RALYL: variants seen among roughly 807,000 people sequenced by gnomAD.
RALYL encodes the protein RNA-binding Raly-like protein.
In RALYL, 29 loss-of-function variants were observed where a neutral mutation model predicts 35.1. The observed-to-expected ratio is 0.83, with a 90% confidence interval of 0.61 to 1.13. RALYL has a LOEUF of 1.13. Among genes scored for constraint, RALYL ranks in the 50% most tolerant of loss-of-function variants. RALYL has a pLI of 0.00. For synonymous variants in RALYL, 120 were observed against 127.6 expected, an observed-to-expected ratio of 0.94 and a Z score of 0.40; for missense variants, 359 against 360.4, an observed-to-expected ratio of 1.00 and a Z score of 0.03.
intron 1 of RALYL, among the ~76,000 whole-genome samples, chr8:84,242,462 A>C (rs1563595575): frequency 6.6e-6 from 1 of 152,222 alleles, no homozygotes; most frequent in Non-Finnish European, 1.5e-5. Flanking sequence ...TCCCACCAAC[A>C]GTGTAAAAGC....
chr8:84,767,965 G>A (rs1563558889), intron 2 of RALYL, among the ~76,000 whole-genome samples: 1 of 152,158 alleles, frequency 6.6e-6, no homozygotes, highest in Admixed American at 6.5e-5. Flanking sequence ...CATTTCTTGA[G>A]AACAGTTTAA....
rs758029121 is a variant in RALYL at position 84,887,662 on chromosome 8, A to C, written c.744A>C (p.Ser248=). ...TGCTGATCCAAGAGGAATGTGTGTC[A>C]GAGATTGCAGATCACTCTACAGAGG... ...SLVLIQEECV[S]EIADHSTEEP... Residue 248 remains serine, a synonymous_variant, in exon 8 of 9, where the codon TCA becomes TCC. Coordinates refer to ENST00000521268, the MANE Select transcript of RALYL (RefSeq NM_173848.7). 1.9e-5 allele frequency: 30 copies of C among 1,613,490 alleles called. No individual in the cohort carries two copies. The highest frequency in any genetic ancestry group is 2.7e-5 in the African/African-American group (2 of 74,916).
intron 1 of RALYL, among the ~76,000 whole-genome samples, chr8:84,496,397 A>G (rs2056022944): frequency 1.3e-5 from 2 of 152,156 alleles, no homozygotes; most frequent in Non-Finnish European, 2.9e-5. Flanking sequence ...TGGCAGCATT[A>G]GAATGCTGCA....
intron 1 of RALYL, among the ~76,000 whole-genome samples, chr8:84,388,276 T>C (rs1859719148): frequency 6.6e-6 from 1 of 152,186 alleles, no homozygotes; most frequent in Non-Finnish European, 1.5e-5. Context: ...AAGTCTTTGC[T>C]ATTGTGATTA....
rs372782194 is a variant in RALYL, at chr8:84,293,840, C to T, written c.-24+109416C>T. On this transcript the variant is annotated intron_variant, in intron 1 of 8. Transcript: ENST00000521268. ...ATTCACAAACAACACTCTCCAAGCA[C>T]GAAACTTTCCTTACTACTTCTTCTT... Among the ~76,000 whole-genome samples, 7 of 152,076 alleles carry T rather than the reference C, an allele frequency of 4.6e-5. 1 individual carries two copies. The East Asian group carries it at 9.7e-4, about 21-fold the overall frequency.
At position 84,454,561 on chromosome 8, in the gene RALYL, A is replaced by G. The variant is rs538161743; in HGVS notation, c.-23-74738A>G. On this transcript the variant is annotated intron_variant, in intron 1 of 8. Coordinates refer to ENST00000521268, the MANE Select transcript of RALYL (RefSeq NM_173848.7). ...GAGGTGGGGTCCTTGTTCCAAATGG[A>G]TACTACAGTTAAAACTACGAGCTAG... Among the ~76,000 whole-genome samples the G allele has an allele frequency of 2.0e-5, 3 of 152,182 alleles. No homozygotes were observed. In the South Asian group the frequency reaches 6.2e-4, roughly 32 times the overall value.
At chr8:84,873,710 A>C (rs1840636930) in intron 7 of RALYL, among the ~76,000 whole-genome samples, 1 of 152,188 alleles carries the variant, frequency 6.6e-6, no homozygotes. Flanking sequence ...AGAAAATAAA[A>C]TCAATTAACA....
intron 2 of RALYL, among the ~76,000 whole-genome samples, chr8:84,663,916 A>T (rs7825871): frequency 6.6e-6 from 1 of 151,844 alleles, no homozygotes; most frequent in Non-Finnish European, 1.5e-5. Context: ...ATGCTACTGC[A>T]TAGGTTTTCT....
intron 1 of RALYL, among the ~76,000 whole-genome samples, chr8:84,215,351 G>A (rs1820551645): frequency 6.6e-6 from 1 of 151,876 alleles, no homozygotes; most frequent in Non-Finnish European, 1.5e-5. Context: ...ATGGCCATCA[G>A]CACTAAAATG....
At chr8:84,527,125 A>G (rs1016131445) in intron 1 of RALYL, among the ~76,000 whole-genome samples, 1 of 152,234 alleles carries the variant, frequency 6.6e-6, no homozygotes, top group Non-Finnish European at 1.5e-5. Flanking sequence ...ATAAACACTG[A>G]TAGAAACTGA....
intron 1 of RALYL, among the ~76,000 whole-genome samples, chr8:84,497,014 C>G (rs533179218): frequency 6.6e-6 from 1 of 152,208 alleles, no homozygotes; most frequent in African/African-American, 2.4e-5. Context: ...TTATTAGTAA[C>G]TGCTTGAGTA....
chr8:84,213,804 A>G (rs2131205516), intron 1 of RALYL, among the ~76,000 whole-genome samples: 1 of 152,346 alleles, frequency 6.6e-6, no homozygotes, highest in African/African-American at 2.4e-5. Context: ...TCGAATGCTC[A>G]ATTGACATAC....
At chr8:84,360,116 G>C (rs1037508067) in intron 1 of RALYL, among the ~76,000 whole-genome samples, 1 of 152,024 alleles carries the variant, frequency 6.6e-6, no homozygotes, top group Non-Finnish European at 1.5e-5. Context: ...TAAGTCATCC[G>C]CCCACATTGG....
intron 1 of RALYL, among the ~76,000 whole-genome samples, chr8:84,198,633 T>C (rs747131686): frequency 6.6e-6 from 1 of 152,188 alleles, no homozygotes; most frequent in Non-Finnish European, 1.5e-5. Flanking sequence ...TTGTACCTAT[T>C]AATCATCCCC....
intron 1 of RALYL, among the ~76,000 whole-genome samples, chr8:84,264,864 A>G (rs1832991456): frequency 6.6e-6 from 1 of 152,222 alleles, no homozygotes; most frequent in Non-Finnish European, 1.5e-5. Flanking sequence ...TATTGAATGA[A>G]TTGATTTACA....
At chr8:84,553,758 A>T (rs2060908995) in intron 2 of RALYL, among the ~76,000 whole-genome samples, 1 of 152,192 alleles carries the variant, frequency 6.6e-6, no homozygotes, top group Non-Finnish European at 1.5e-5. Flanking sequence ...AGTAAAATCA[A>T]GCTACAGGTG....
intron 4 of RALYL, among the ~76,000 whole-genome samples, chr8:84,815,992 C>T (rs928175784): frequency 7.0e-6 from 1 of 142,692 alleles, no homozygotes; most frequent in African/African-American, 2.6e-5. Flanking sequence ...CGGGATCATG[C>T]CACTGCACTC....
intron 1 of RALYL, among the ~76,000 whole-genome samples, chr8:84,373,610 G>A (rs1163126963): frequency 1.3e-5 from 2 of 151,942 alleles, no homozygotes; most frequent in Non-Finnish European, 2.9e-5. Flanking sequence ...ATGCTGCTTC[G>A]GTTATTGTGT....
At chr8:84,660,472 C>T (rs1830698396) in intron 2 of RALYL, among the ~76,000 whole-genome samples, 1 of 151,748 alleles carries the variant, frequency 6.6e-6, no homozygotes, top group South Asian at 2.1e-4. Flanking sequence ...TTTAATAATT[C>T]ATTTAATTTA....
Sources: gnomAD v4.1 joint callset for allele counts (sites outside exome capture counted in the v4.1 genomes callset) on GRCh38, gnomAD v4.1.1 for gene constraint, MANE v1.5 for transcripts, NCBI Gene and HGNC (gene_info 2026-07-23, HGNC 2026-07-21) for gene names.